Variants in WDR90 observed in about 807,000 individuals in gnomAD.
WDR90 encodes WD repeat domain 90.
In WDR90, 238 loss-of-function variants were observed where a neutral mutation model predicts 195.2. The ratio of observed to expected loss-of-function variants is 1.22; its 90% confidence interval spans 1.10 to 1.36. The LOEUF (loss-of-function observed/expected upper bound fraction) is 1.36. Among genes scored for constraint, WDR90 ranks in the 40% most tolerant of loss-of-function variants. The pLI is 0.00. For synonymous variants in WDR90, 1,265 were observed against 1,052.4 expected, an observed-to-expected ratio of 1.20 and a Z score of -3.91; for missense variants, 2,734 against 2,439.5, an observed-to-expected ratio of 1.12 and a Z score of -2.54.
rs761481647 is a variant in WDR90, at chr16:662,712, C to T, written c.4179C>T (p.Asp1393=). ...TCATGGAACACGAGCTGGTGCTGGA[C>T]GGGGCTGTGGTGAGTGCCAGCTTCG... ...SVFMEHELVL[D]GAVVSASFDD... Residue 1393 remains aspartate, a synonymous_variant, in exon 34 of 41, where the codon GAC becomes GAT. Coordinates refer to ENST00000293879, the MANE Select transcript of WDR90 (RefSeq NM_145294.5). The T allele has an allele frequency of 8.9e-6, 14 of 1,575,284 alleles. No homozygotes were observed. The highest frequency in any genetic ancestry group is 6.7e-5 in the African/African-American group (5 of 74,276).
Position 667,745 on chromosome 16 carries a change from C to G in WDR90, c.*156C>G. 2.8e-6 allele frequency: 3 copies of G among 1,090,058 alleles called. No homozygotes were observed. The South Asian group carries it at 4.0e-5, about 15-fold the overall frequency. 67.5% of individuals were successfully genotyped at this position (1,090,058 alleles called of 1,614,324 possible). A position where few individuals can be genotyped will look rare whatever the true frequency, so the allele number is the denominator to read the frequency against. Reference sequence around the variant, plus strand: ...GAGCAAGCTGTTGTAAATTTGGCGCCCTGTGAATACTTTCATACCTGTTGC... The same window carrying G: ...GAGCAAGCTGTTGTAAATTTGGCGCGCTGTGAATACTTTCATACCTGTTGC... On this transcript the variant is annotated 3_prime_UTR_variant, in exon 41 of 41. Coordinates refer to ENST00000293879, the MANE Select transcript of WDR90 (RefSeq NM_145294.5).
At chr16:655,983 G>T (rs762600581) in intron 17 of WDR90, 94 bp downstream of exon 17, 1 of 1,396,108 alleles carries the variant, frequency 7.2e-7, no homozygotes, top group Admixed American at 2.0e-5. Flanking sequence ...GCTGTCAGCC[G>T]CCCTGGCTCC....
rs199932886 is a variant in WDR90 at position 657,099 on chromosome 16, G to T, written c.2351G>T (p.Arg784Leu). 19 of 1,596,574 alleles carry T rather than the reference G, an allele frequency of 1.2e-5. No homozygotes were observed. The highest frequency in any genetic ancestry group is 1.5e-5 in the Non-Finnish European group (18 of 1,174,712). Reference protein sequence around the residue: ...AEVLVEHTCHRGAVTGLTATP... With the variant: ...AEVLVEHTCHLGAVTGLTATP... ...CCCTGTGTGTGCTGCAGGTGCCACC[G>T]AGGAGCTGTCACCGGCCTGACCGCC... Residue 784 changes from arginine (R) to leucine (L), a missense_variant, in exon 20 of 41, where the codon CGA (arginine) becomes CTA (leucine). Coordinates refer to ENST00000293879, the MANE Select transcript of WDR90 (RefSeq NM_145294.5).
chr16:659,414 G>T, intron 26 of WDR90, 38 bp downstream of exon 26: 1 of 1,578,180 alleles, frequency 6.3e-7, no homozygotes, highest in East Asian at 2.3e-5. Flanking sequence ...GGGGGATTCG[G>T]GGGTCTGAGA....
At chr16:658,132 A>C in intron 21 of WDR90, 51 bp from the exon 22 acceptor site, 1 of 1,570,712 alleles carries the variant, frequency 6.4e-7, no homozygotes, top group South Asian at 1.2e-5. Flanking sequence ...CCTGGGTGGC[A>C]CCGGCTCTGC....
intron 7 of WDR90, 112 bp from the exon 8 acceptor site, chr16:651,532 C>T: frequency 8.9e-7 from 1 of 1,120,252 alleles, no homozygotes; most frequent in South Asian, 1.4e-5. Flanking sequence ...GCTGTGGGTC[C>T]TGCAGAGCCG....
chr16:664,630 A>T (rs1567223057), intron 34 of WDR90, among the ~76,000 whole-genome samples: 1 of 151,452 alleles, frequency 6.6e-6, no homozygotes. Context: ...GGGGAGATGG[A>T]CTGAGCTGTC....
chr16:655,711 G>A lies in WDR90; in HGVS notation c.1849+8G>A, dbSNP rs1196839042. 6.9e-6 allele frequency: 11 copies of A among 1,586,614 alleles called. No individual in the cohort carries two copies. Among genetic ancestry groups the A allele is most frequent in the African/African-American group, 1.3e-5 (1 of 74,474 alleles). Reference sequence around the variant, plus strand: ...AGCAGACCTTCAGCTCAGGTAAGAGGGCGCCCACCACGTGGCCAGGGTGGC... The same window carrying A: ...AGCAGACCTTCAGCTCAGGTAAGAGAGCGCCCACCACGTGGCCAGGGTGGC... On this transcript the variant is annotated splice_region_variant and intron_variant, in intron 16 of 40. Coordinates refer to ENST00000293879, the MANE Select transcript of WDR90 (RefSeq NM_145294.5).
chr16:659,732 C>T (rs1596465929), intron 26 of WDR90, among the ~76,000 whole-genome samples: 1 of 152,172 alleles, frequency 6.6e-6, no homozygotes, highest in South Asian at 2.1e-4. Flanking sequence ...GGGCTGGAGA[C>T]GGGGCCTGGG....
At chr16:657,692 C>A in intron 20 of WDR90, 70 bp from the exon 21 acceptor site, 1 of 1,450,740 alleles carries the variant, frequency 6.9e-7, no homozygotes, top group East Asian at 2.6e-5. Flanking sequence ...GGGCGGCGGC[C>A]TCCTCGGGCC....
chr16:659,279 C>T lies in WDR90; in HGVS notation c.3087C>T (p.Ser1029=). 1 of 1,608,108 alleles carries T rather than the reference C, an allele frequency of 6.2e-7. No individual in the cohort carries two copies. Among genetic ancestry groups the T allele is most frequent in the Admixed American group, 1.7e-5 (1 of 59,388 alleles). The change falls in exon 26 of 41, where the codon TCC becomes TCT. Residue 1029 remains serine (S), a synonymous_variant. Coordinates refer to ENST00000293879, the MANE Select transcript of WDR90 (RefSeq NM_145294.5). ...CAGGACCGCTGGAGGACGCAGCGTC[C>T]AGGGCCAGCGAGCTCCCCCGGCAGC... The part of the protein sequence containing the change: ...PGAGPLEDAA[S]RASELPRQQV...
intron 5 of WDR90, 133 bp from the exon 6 acceptor site, chr16:650,862 C>A: frequency 6.8e-7 from 1 of 1,463,470 alleles, no homozygotes; most frequent in Non-Finnish European, 9.4e-7. Flanking sequence ...GCCCTGGGGT[C>A]AGAACCCATC....
chr16:661,284 A>T, intron 29 of WDR90, 58 bp from the exon 30 acceptor site: 1 of 1,539,548 alleles, frequency 6.5e-7, no homozygotes, highest in Non-Finnish European at 8.7e-7. Flanking sequence ...CGGCCACCCC[A>T]GCCTCCACTC....
chr16:666,430 C>T (rs552438216), intron 37 of WDR90, 25 bp from the exon 38 acceptor site: 87 of 1,608,204 alleles, frequency 5.4e-5, no homozygotes, highest in Middle Eastern at 3.3e-4. Context: ...AGGCACCTGT[C>T]GGCCCTCACC....
At chr16:655,931 G>A (rs749526359) in intron 17 of WDR90, 42 bp downstream of exon 17, 11 of 1,548,312 alleles carry the variant, frequency 7.1e-6, no homozygotes, top group East Asian at 2.4e-5. Flanking sequence ...GGAGAGCCTC[G>A]CCTGGATGCT....
chr16:658,835 G>C, intron 23 of WDR90, 61 bp from the exon 24 acceptor site: 1 of 1,594,744 alleles, frequency 6.3e-7, no homozygotes, highest in East Asian at 2.2e-5. Context: ...CCTGGGGACT[G>C]GGCACACGGC....
chr16:649,555 C>T, intron 1 of WDR90, 129 bp downstream of exon 1: 1 of 1,225,554 alleles, frequency 8.2e-7, no homozygotes, highest in Non-Finnish European at 1.0e-6. Flanking sequence ...GGCAGGGTCC[C>T]GTCTGCCGGG....
At chr16:657,358 G>A in intron 20 of WDR90, 137 bp downstream of exon 20, 2 of 1,322,516 alleles carry the variant, frequency 1.5e-6, no homozygotes, top group Middle Eastern at 2.7e-4. Flanking sequence ...GGCCGCCTCA[G>A]TAACCTTGTC....
Position 666,323 on chromosome 16 carries a change from C to T in WDR90, c.4713C>T (p.Ile1571=), listed in dbSNP as rs971456004. Residue 1571 remains isoleucine (I), a synonymous_variant, in exon 37 of 41, where the codon ATC becomes ATT. Transcript: ENST00000293879. ...RVLSDHQGAP[I]STICVTCKEC... is the part of the protein sequence containing the mutation. Reference sequence around the variant, plus strand: ...TGAGTGACCACCAGGGCGCCCCAATCTCTACCATCTGTGTCACGTGCAAAG... The same window carrying T: ...TGAGTGACCACCAGGGCGCCCCAATTTCTACCATCTGTGTCACGTGCAAAG... 1 of 1,612,774 alleles carries T rather than the reference C, an allele frequency of 6.2e-7. No homozygotes were observed. The highest frequency in any genetic ancestry group is 8.5e-7 in the Non-Finnish European group (1 of 1,179,996).
Sources: gnomAD v4.1 joint callset for allele counts (sites outside exome capture counted in the v4.1 genomes callset) on GRCh38, gnomAD v4.1.1 for gene constraint, MANE v1.5 for transcripts, NCBI Gene and HGNC (gene_info 2026-07-23, HGNC 2026-07-21) for gene names.